The following SPOCK3 variants were observed in gnomAD, a reference collection of about 807,000 sequenced individuals.
SPOCK3 encodes the protein SPARC (osteonectin), cwcv and kazal like domains proteoglycan 3, also known as testican-3.
In SPOCK3, 30 loss-of-function variants were observed where a neutral mutation model predicts 56.6. That is an observed-to-expected ratio of 0.53 (90% CI 0.40 to 0.72). The LOEUF is 0.72. SPOCK3 is among the 30% of genes least tolerant of loss of function. SPOCK3 has a pLI of 0.00. For synonymous variants in SPOCK3, 196 were observed against 183.3 expected (o/e 1.07, Z -0.56); for missense variants, 527 against 530.0 (o/e 0.99, Z 0.06).
chr4:166,763,590 A>C (rs535613349), intron 7 of SPOCK3, among the ~76,000 whole-genome samples: 1 of 152,150 alleles, frequency 6.6e-6, no homozygotes, highest in Non-Finnish European at 1.5e-5. Flanking sequence ...ATAACAAAGT[A>C]CTGTGGAGTG....
At chr4:166,782,967 CAGT>C (rs1247538027) in intron 7 of SPOCK3, among the ~76,000 whole-genome samples, 3 of 152,100 alleles carry the variant, frequency 2.0e-5, no homozygotes, top group African/African-American at 7.2e-5. Context: ...TTAAAATAAA[CAGT>C]AATAATAAGC....
chr4:167,124,258 T>A (rs534580797), intron 2 of SPOCK3, among the ~76,000 whole-genome samples: 1 of 152,340 alleles, frequency 6.6e-6, no homozygotes, highest in African/African-American at 2.4e-5. Flanking sequence ...GATTAAAATA[T>A]AGTCTAGATG....
chr4:167,009,637 C>A (rs1039121467), intron 3 of SPOCK3, among the ~76,000 whole-genome samples: 4 of 151,566 alleles, frequency 2.6e-5, no homozygotes, highest in Admixed American at 6.6e-5. Context: ...CCAAAAAAAA[C>A]AACAACAAAA....
chr4:167,110,674 A>T (rs1417693531), intron 2 of SPOCK3, among the ~76,000 whole-genome samples: 1 of 152,230 alleles, frequency 6.6e-6, no homozygotes, highest in African/African-American at 2.4e-5. Context: ...ATTATGAGTA[A>T]GGAAGTAATA....
intron 4 of SPOCK3, among the ~76,000 whole-genome samples, chr4:166,923,874 T>G (rs2149982130): frequency 6.6e-6 from 1 of 152,340 alleles, no homozygotes; most frequent in East Asian, 1.9e-4. Context: ...GACCCCATTT[T>G]TATGCATTAA....
In SPOCK3 at chr4:167,190,162, G is replaced by A. The variant is rs1362649913; in HGVS notation, c.189+43823C>T. Among the ~76,000 whole-genome samples the A allele has an allele frequency of 3.4e-5, 5 of 145,914 alleles. 1 individual carries two copies. Among genetic ancestry groups the A allele is most frequent in the African/African-American group, 1.0e-4 (4 of 38,354 alleles). On this transcript the variant is annotated intron_variant, in intron 2 of 10. Coordinates refer to ENST00000357545, the MANE Select transcript of SPOCK3 (RefSeq NM_001040159.2). ...CAGAGCAAGATTGCTAGGTTGTATT[G>A]TAACTCTGTTTTTAATTTTTTGTGG... is the stretch of plus-strand genomic sequence containing the variant.
intron 7 of SPOCK3, among the ~76,000 whole-genome samples, chr4:166,767,577 T>A (rs557855646): frequency 2.6e-5 from 4 of 152,322 alleles, no homozygotes; most frequent in Admixed American, 2.0e-4. Flanking sequence ...TTTCTGTTCT[T>A]TTACATTTGC....
chr4:166,797,949 G>A (rs1742141297), intron 6 of SPOCK3, among the ~76,000 whole-genome samples: 1 of 152,002 alleles, frequency 6.6e-6, no homozygotes, highest in South Asian at 2.1e-4. Context: ...AATGTTTCGG[G>A]CAACAAAGAA....
chr4:166,804,333 T>C (rs1742929135), intron 6 of SPOCK3, among the ~76,000 whole-genome samples: 1 of 152,114 alleles, frequency 6.6e-6, no homozygotes, highest in South Asian at 2.1e-4. Context: ...TTCTCCTCTT[T>C]GCAGGTCATG....
At chr4:166,993,414 G>C (rs1211704829) in intron 4 of SPOCK3, among the ~76,000 whole-genome samples, 7 of 152,134 alleles carry the variant, frequency 4.6e-5, no homozygotes, top group Non-Finnish European at 5.9e-5. Context: ...ATGTAAAGCA[G>C]AGAATCATTA....
At chr4:166,907,600 T>C (rs1002277299) in intron 5 of SPOCK3, among the ~76,000 whole-genome samples, 2 of 152,086 alleles carry the variant, frequency 1.3e-5, no homozygotes, top group Non-Finnish European at 1.5e-5. Context: ...GGAGTAAGGA[T>C]AGCGAGTGTT....
chr4:167,081,844 G>C (rs1311565370), intron 2 of SPOCK3, among the ~76,000 whole-genome samples: 1 of 151,722 alleles, frequency 6.6e-6, no homozygotes, highest in East Asian at 2.0e-4. Context: ...AAGCAGAAGT[G>C]AGTCTTATTA....
chr4:166,966,753 T>C (rs1744780059), intron 4 of SPOCK3, among the ~76,000 whole-genome samples: 2 of 152,146 alleles, frequency 1.3e-5, no homozygotes, highest in Non-Finnish European at 2.9e-5. Context: ...CACATTATTA[T>C]TACAATAATA....
At chr4:167,065,703 G>A (rs894902513) in intron 2 of SPOCK3, among the ~76,000 whole-genome samples, 10 of 151,898 alleles carry the variant, frequency 6.6e-5, no homozygotes, top group Admixed American at 1.3e-4. Flanking sequence ...CAAAAAAATA[G>A]TTTCACCTCA....
intron 6 of SPOCK3, among the ~76,000 whole-genome samples, chr4:166,848,846 A>C (rs1356215985): frequency 6.6e-6 from 1 of 152,106 alleles, no homozygotes; most frequent in Non-Finnish European, 1.5e-5. Context: ...TTCCAAGTGC[A>C]ATGTTGTACC....
At chr4:167,114,469 C>G (rs745770645) in intron 2 of SPOCK3, among the ~76,000 whole-genome samples, 2 of 152,036 alleles carry the variant, frequency 1.3e-5, no homozygotes, top group Non-Finnish European at 2.9e-5. Context: ...TACGAGCTCC[C>G]TCAAGAAAGG....
At chr4:166,878,506 T>C (rs1189202049) in intron 6 of SPOCK3, among the ~76,000 whole-genome samples, 1 of 151,500 alleles carries the variant, frequency 6.6e-6, no homozygotes, top group Non-Finnish European at 1.5e-5. Context: ...TATATGTATA[T>C]TTTAAATGTA....
At chr4:166,737,834 A>T (rs1244778132) in intron 9 of SPOCK3, among the ~76,000 whole-genome samples, 1 of 152,146 alleles carries the variant, frequency 6.6e-6, no homozygotes, top group Non-Finnish European at 1.5e-5. Flanking sequence ...TCATGGATTC[A>T]TTTCCTTTGT....
intron 5 of SPOCK3, among the ~76,000 whole-genome samples, chr4:166,899,101 T>C (rs1735723097): frequency 6.6e-6 from 1 of 151,990 alleles, no homozygotes; most frequent in African/African-American, 2.4e-5. Flanking sequence ...GACTTAACCA[T>C]CTGGCCCTTG....
Sources: gnomAD v4.1 joint callset for allele counts (sites outside exome capture counted in the v4.1 genomes callset) on GRCh38, gnomAD v4.1.1 for gene constraint, MANE v1.5 for transcripts, NCBI Gene and HGNC (gene_info 2026-07-23, HGNC 2026-07-21) for gene names.